CNBD1: variants seen among roughly 807,000 people sequenced by gnomAD.
The protein encoded by CNBD1 is cyclic nucleotide binding domain containing 1.
In CNBD1, 71 loss-of-function variants were observed where a neutral mutation model predicts 54.4. The observed-to-expected ratio is 1.30, with a 90% CI of 1.08 to 1.59. The LOEUF is 1.59. Ranked by LOEUF, CNBD1 falls within the 40% of genes most tolerant of loss-of-function variation. The pLI, the probability that CNBD1 is intolerant of heterozygous loss-of-function variation, is 0.00. For missense variants in CNBD1, 659 were observed against 518.0 expected (o/e 1.27, Z -2.64); for synonymous variants, 182 against 170.7 (o/e 1.07, Z -0.51).
intron 6 of CNBD1, among the ~76,000 whole-genome samples, chr8:87,269,531 T>C (rs561584010): frequency 3.7e-4 from 56 of 152,282 alleles, no homozygotes; most frequent in Middle Eastern, 3.4e-3. Flanking sequence ...TTTAACAATA[T>C]TTATTCTTGC....
intron 2 of CNBD1, among the ~76,000 whole-genome samples, 178 bp from the exon 3 acceptor site, chr8:86,904,903 G>A (rs533434846): frequency 3.9e-5 from 6 of 151,916 alleles, no homozygotes; most frequent in Non-Finnish European, 5.9e-5. Flanking sequence ...TTCTTAAAAT[G>A]TTTCTCACTG....
At chr8:87,103,359 T>C (rs1811470517) in intron 4 of CNBD1, among the ~76,000 whole-genome samples, 1 of 152,200 alleles carries the variant, frequency 6.6e-6, no homozygotes, top group African/African-American at 2.4e-5. Context: ...CTCACAAAAA[T>C]GCTATGAGAC....
chr8:87,212,154 T>A (rs1814112567), intron 5 of CNBD1, among the ~76,000 whole-genome samples: 1 of 152,136 alleles, frequency 6.6e-6, no homozygotes, highest in African/African-American at 2.4e-5. Flanking sequence ...TGCTTAGGAA[T>A]AAATTGTACA....
intron 8 of CNBD1, among the ~76,000 whole-genome samples, chr8:87,322,589 G>T (rs1809561324): frequency 9.3e-6 from 1 of 107,940 alleles, no homozygotes; most frequent in African/African-American, 3.5e-5. Context: ...TTTTTTGGCT[G>T]CATAAATGTC....
Position 87,259,833 on chromosome 8 carries a change from G to A in CNBD1, c.771+22721G>A, listed in dbSNP as rs1231491691. 3.3e-5 allele frequency among the ~76,000 whole-genome samples: 5 copies of A among 152,126 alleles called. 1 individual carries two copies. On this transcript the variant is annotated intron_variant, in intron 6 of 10. Transcript: ENST00000518476. ...GAATAACCGCTTTTAATTAAGCTGAGTTTTAACCACAGGACTCTTTAATAA... is the reference window on the plus strand; with the variant it reads ...GAATAACCGCTTTTAATTAAGCTGAATTTTAACCACAGGACTCTTTAATAA...
chr8:87,033,374 TA>T (rs1563442944), intron 4 of CNBD1, among the ~76,000 whole-genome samples: 1 of 151,992 alleles, frequency 6.6e-6, no homozygotes, highest in Non-Finnish European at 1.5e-5. Context: ...TCAATAACAA[TA>T]GAGCTTTAAA....
At position 87,296,966 on chromosome 8, in the gene CNBD1, G is replaced by C. The variant is rs948439836; in HGVS notation, c.1042+10295G>C. On this transcript the variant is annotated intron_variant, in intron 8 of 10. Coordinates refer to ENST00000518476, the MANE Select transcript of CNBD1 (RefSeq NM_173538.3). ...CGAGGCGGGCGGATCACGAAGTCGG[G>C]AAATCAAGGCCATCCTAGCTAACAT... Among the ~76,000 whole-genome samples, 4 of 151,854 alleles carry C rather than the reference G, an allele frequency of 2.6e-5. No individual in the cohort carries two copies. The South Asian group carries it at 8.3e-4, about 32-fold the overall frequency.
rs1426702068 is a variant in CNBD1 at position 86,971,007 on chromosome 8, A to G, written c.431+31253A>G. 2.0e-5 allele frequency among the ~76,000 whole-genome samples: 3 copies of G among 152,200 alleles called. No homozygotes were observed. In the South Asian group the frequency reaches 6.2e-4, roughly 32 times the overall value. ...GCCAAAAATCTTCATGTTATCTTTA[A>G]TGTCCTTGGACATTTCAATTATAAT... On this transcript the variant is annotated intron_variant, in intron 4 of 10. Coordinates refer to ENST00000518476, the MANE Select transcript of CNBD1 (RefSeq NM_173538.3).
intron 4 of CNBD1, among the ~76,000 whole-genome samples, chr8:87,096,326 G>T (rs1315554606): frequency 4.1e-5 from 6 of 145,210 alleles, no homozygotes; most frequent in Non-Finnish European, 9.0e-5. Context: ...ACAGAAAGAA[G>T]AATAGCTCTC....
Position 87,202,112 on chromosome 8 carries a change from T to G in CNBD1, c.432-3881T>G, listed in dbSNP as rs77202487. 2.8e-3 allele frequency among the ~76,000 whole-genome samples: 428 copies of G among 152,322 alleles called. 1 individual carries two copies. The highest frequency in any genetic ancestry group is 9.1e-3 in the African/African-American group (380 of 41,590). On this transcript the variant is annotated intron_variant, in intron 4 of 10. Transcript: ENST00000518476. The stretch of plus-strand genomic sequence containing the variant: ...TACGCAAACCCAGTAGCTGACAAGA[T>G]AAAATTGAAGGAAAATTTTCAGAAG...
At chr8:86,890,807 G>A (rs1374585871) in intron 2 of CNBD1, among the ~76,000 whole-genome samples, 2 of 151,804 alleles carry the variant, frequency 1.3e-5, no homozygotes, top group African/African-American at 2.4e-5. Flanking sequence ...ATATCTCACT[G>A]TGGCTTTAGT....
In CNBD1 at chr8:86,883,517, G is replaced by A. The variant is rs7357416; in HGVS notation, c.89-4025G>A. Reference sequence around the variant, plus strand: ...TAATGAGAATGGATTCTTGGCCAACGTCAATGCTTAACGGAAGAAGATAGC... The same window carrying A: ...TAATGAGAATGGATTCTTGGCCAACATCAATGCTTAACGGAAGAAGATAGC... On this transcript the variant is annotated intron_variant, in intron 1 of 10. Coordinates refer to ENST00000518476, the MANE Select transcript of CNBD1 (RefSeq NM_173538.3). Among the ~76,000 whole-genome samples, 1,494 of 152,240 alleles carry A rather than the reference G, an allele frequency of 9.8e-3. 30 individuals carry two copies. The highest frequency in any genetic ancestry group is 0.034 in the African/African-American group (1,399 of 41,536).
At position 87,334,321 on chromosome 8, in the gene CNBD1, A is replaced by G. The variant is rs189724553; in HGVS notation, c.1043-17364A>G. ...AACCTATTTTTTAATTTTTTCAAAA[A>G]AAACAGCTCCTGGATTCATTGATTT... On this transcript the variant is annotated intron_variant, in intron 8 of 10. Coordinates refer to ENST00000518476, the MANE Select transcript of CNBD1 (RefSeq NM_173538.3). 2.3e-3 allele frequency among the ~76,000 whole-genome samples: 355 copies of G among 152,154 alleles called. 2 individuals are homozygous for G. The highest frequency in any genetic ancestry group is 7.2e-3 in the African/African-American group (300 of 41,548).
chr8:87,355,715 G>T (rs758226850), intron 10 of CNBD1, among the ~76,000 whole-genome samples: 4 of 152,286 alleles, frequency 2.6e-5, no homozygotes, highest in Non-Finnish European at 5.9e-5. Flanking sequence ...TAAATTGAAA[G>T]TTGTTCATGA....
At chr8:87,355,166 C>G (rs901240798) in intron 10 of CNBD1, among the ~76,000 whole-genome samples, 1 of 152,174 alleles carries the variant, frequency 6.6e-6, no homozygotes, top group African/African-American at 2.4e-5. Context: ...GACAACATAG[C>G]TATACACTGC....
Position 87,052,187 on chromosome 8 carries a change from C to A in CNBD1, c.431+112433C>A, listed in dbSNP as rs1810325222. Reference sequence around the variant, plus strand: ...TCCTCTCTTTTTCCTGGGCCTCTTCCTGGTCCCTGTTGTAAAAGACCAAGG... The same window carrying A: ...TCCTCTCTTTTTCCTGGGCCTCTTCATGGTCCCTGTTGTAAAAGACCAAGG... On this transcript the variant is annotated intron_variant, in intron 4 of 10. Transcript: ENST00000518476. 2.0e-5 allele frequency among the ~76,000 whole-genome samples: 3 copies of A among 152,210 alleles called. No homozygotes were observed. The South Asian group carries it at 6.2e-4, about 32-fold the overall frequency.
intron 8 of CNBD1, among the ~76,000 whole-genome samples, chr8:87,308,121 G>A (rs1809195032): frequency 6.6e-6 from 1 of 152,052 alleles, no homozygotes; most frequent in Admixed American, 6.6e-5. Context: ...TTTCCTGATT[G>A]TTCTAGGAAA....
intron 4 of CNBD1, among the ~76,000 whole-genome samples, chr8:86,966,036 G>A (rs1354185461): frequency 1.3e-5 from 2 of 152,138 alleles, no homozygotes; most frequent in Non-Finnish European, 2.9e-5. Flanking sequence ...TGAGCCCAGG[G>A]CTTTTATGGA....
intron 2 of CNBD1, among the ~76,000 whole-genome samples, chr8:87,402,292 A>G (rs1437522423): frequency 6.6e-6 from 1 of 151,966 alleles, no homozygotes; most frequent in East Asian, 1.9e-4. Context: ...AGTCAAGATG[A>G]GATTTGGGTG....
Sources: allele counts gnomAD v4.1 joint callset (sites outside exome capture counted in the v4.1 genomes callset), GRCh38; gene constraint gnomAD v4.1.1; transcripts MANE v1.5; gene names NCBI Gene and HGNC (gene_info 2026-07-23, HGNC 2026-07-21).